The following IQCJ variants were observed in gnomAD, a reference collection of about 807,000 sequenced individuals.
The protein encoded by IQCJ is IQ motif containing J, also known as IQ domain-containing protein J.
IQCJ carries 9 observed loss-of-function variants against 11.0 expected under a neutral mutation model. That is an observed-to-expected ratio of 0.82 (90% CI 0.49 to 1.43). The LOEUF is 1.43. IQCJ is among the 40% of genes most tolerant of loss of function. The pLI is 0.00. For synonymous variants in IQCJ, 55 were observed against 51.3 expected, an observed-to-expected ratio of 1.07 and a Z score of -0.31; for missense variants, 146 against 133.2, an observed-to-expected ratio of 1.10 and a Z score of -0.47.
intron 1 of IQCJ, among the ~76,000 whole-genome samples, chr3:159,212,082 A>G (rs1339696214): frequency 6.6e-6 from 1 of 151,390 alleles, no homozygotes; most frequent in African/African-American, 2.4e-5. Flanking sequence ...ATGGGAGAAT[A>G]TTGTTCCACA....
chr3:159,080,462 C>G (rs576533513), intron 1 of IQCJ, among the ~76,000 whole-genome samples: 1 of 152,130 alleles, frequency 6.6e-6, no homozygotes, highest in Non-Finnish European at 1.5e-5. Context: ...AGATTGGAAC[C>G]TTTTCAGCAG....
At chr3:159,234,952 G>T (rs555457841) in intron 1 of IQCJ, among the ~76,000 whole-genome samples, 22 of 152,270 alleles carry the variant, frequency 1.4e-4, no homozygotes, top group Non-Finnish European at 2.9e-4. Context: ...CCAGAATCAG[G>T]TATAAACAAT....
At chr3:159,151,759 C>T (rs1215257986) in intron 1 of IQCJ, among the ~76,000 whole-genome samples, 1 of 152,226 alleles carries the variant, frequency 6.6e-6, no homozygotes, top group African/African-American at 2.4e-5. Context: ...CCTCAGCCTC[C>T]TGAGCAGCTG....
At chr3:159,121,300 A>AT (rs1719367038) in intron 1 of IQCJ, among the ~76,000 whole-genome samples, 1 of 151,676 alleles carries the variant, frequency 6.6e-6, no homozygotes, top group South Asian at 2.1e-4. Flanking sequence ...TGCCCGGCTA[A>AT]TCAAAAAAAT....
intron 1 of IQCJ, among the ~76,000 whole-genome samples, chr3:159,093,252 G>C (rs1378654154): frequency 6.6e-6 from 1 of 151,742 alleles, no homozygotes; most frequent in Admixed American, 6.6e-5. Context: ...TTGGCAAGAA[G>C]CATTTAGTGT....
chr3:159,130,200 A>T (rs1021979466), intron 1 of IQCJ, among the ~76,000 whole-genome samples: 2 of 152,130 alleles, frequency 1.3e-5, no homozygotes, highest in African/African-American at 4.8e-5. Flanking sequence ...TGAAATTTTC[A>T]GTTATTTGTT....
chr3:159,218,579 T>C (rs1040700375), intron 1 of IQCJ, among the ~76,000 whole-genome samples: 3 of 152,100 alleles, frequency 2.0e-5, no homozygotes, highest in Non-Finnish European at 4.4e-5. Context: ...TGTGATTTAA[T>C]TGGACCGTTT....
intron 1 of IQCJ, among the ~76,000 whole-genome samples, chr3:159,121,122 G>A (rs1427219202): frequency 6.7e-6 from 1 of 149,482 alleles, no homozygotes; most frequent in Non-Finnish European, 1.5e-5. Flanking sequence ...CTTTAAGCTG[G>A]GCATTTTTCT....
At chr3:159,213,320 G>GAA (rs1725053140) in intron 1 of IQCJ, among the ~76,000 whole-genome samples, 1 of 152,100 alleles carries the variant, frequency 6.6e-6, no homozygotes, top group African/African-American at 2.4e-5. Context: ...TGTCTCCACG[G>GAA]GTGCTGACAC....
chr3:159,242,262 G>T (rs374134124), intron 1 of IQCJ, among the ~76,000 whole-genome samples: 71 of 152,226 alleles, frequency 4.7e-4, no homozygotes, highest in African/African-American at 1.6e-3. Context: ...AAAAGTGATG[G>T]AAAACCACTG....
chr3:159,211,397 GT>G (rs1724943046), intron 1 of IQCJ, among the ~76,000 whole-genome samples: 1 of 152,166 alleles, frequency 6.6e-6, no homozygotes, highest in Admixed American at 6.5e-5. Context: ...GTATATTCTG[GT>G]TTGCTGAGGA....
intron 1 of IQCJ, among the ~76,000 whole-genome samples, chr3:159,120,139 C>T (rs1719278120): frequency 6.6e-6 from 1 of 152,144 alleles, no homozygotes; most frequent in Admixed American, 6.5e-5. Flanking sequence ...GGTATTTTCT[C>T]CCTGTACCCC....
intron 1 of IQCJ, among the ~76,000 whole-genome samples, chr3:159,074,458 G>A (rs535201205): frequency 7.2e-5 from 11 of 152,172 alleles, no homozygotes; most frequent in Middle Eastern, 3.4e-3. Context: ...TGGACAGGAG[G>A]AAGATCTTGT....
chr3:159,163,674 A>C (rs534691872), intron 1 of IQCJ, among the ~76,000 whole-genome samples: 7 of 152,102 alleles, frequency 4.6e-5, no homozygotes, highest in African/African-American at 1.7e-4. Context: ...CTCATTTTTC[A>C]TGTATTATCT....
chr3:159,195,241 G>T (rs1470231337), intron 1 of IQCJ, among the ~76,000 whole-genome samples: 1 of 152,168 alleles, frequency 6.6e-6, no homozygotes, highest in Non-Finnish European at 1.5e-5. Flanking sequence ...GACTCTGCTG[G>T]TATGTATTGC....
At position 159,236,168 on chromosome 3, in the gene IQCJ, G is replaced by A. The variant is rs554288711; in HGVS notation, c.10-9675G>A. On this transcript the variant is annotated intron_variant, in intron 1 of 3. Transcript: ENST00000397832. ...CATTTTTTTCCTCCTAAAGAAATTC[G>A]TGTTTAGCTGCAAGGTAACTTCCCT... 4.7e-5 allele frequency among the ~76,000 whole-genome samples: 7 copies of A among 149,278 alleles called. No homozygotes were observed. In the East Asian group the frequency reaches 1.0e-3, roughly 21 times the overall value.
chr3:159,246,978 A>G (rs539151107), intron 2 of IQCJ, among the ~76,000 whole-genome samples: 1 of 152,332 alleles, frequency 6.6e-6, no homozygotes, highest in Admixed American at 6.5e-5. Flanking sequence ...GTGGAGGGGC[A>G]GAAAGGCATC....
At chr3:159,140,035 T>C (rs963402165) in intron 1 of IQCJ, among the ~76,000 whole-genome samples, 3 of 152,110 alleles carry the variant, frequency 2.0e-5, no homozygotes, top group Non-Finnish European at 2.9e-5. Flanking sequence ...CACAGCAAAA[T>C]TGAGCAGAAA....
intron 3 of IQCJ, among the ~76,000 whole-genome samples, chr3:159,262,319 T>A (rs1728259606): frequency 6.6e-6 from 1 of 152,226 alleles, no homozygotes. Context: ...GCCGGTTGAG[T>A]GCAGTCAAGT....
Sources: allele counts gnomAD v4.1 joint callset (sites outside exome capture counted in the v4.1 genomes callset), GRCh38; gene constraint gnomAD v4.1.1; transcripts MANE v1.5; gene names NCBI Gene and HGNC (gene_info 2026-07-23, HGNC 2026-07-21).